COMMD1: variants seen among roughly 807,000 people sequenced by gnomAD.
The protein encoded by COMMD1 is COMM domain-containing protein 1.
Under a neutral mutation model 17.2 loss-of-function variants are expected in COMMD1, and 10 were observed. That is an observed-to-expected ratio of 0.58 (90% CI 0.36 to 0.99). The LOEUF is 0.99. COMMD1 is among the 50% of genes least tolerant of loss of function. The pLI, the probability that COMMD1 is intolerant of heterozygous loss-of-function variation, is 0.01. For missense variants in COMMD1, 270 were observed against 231.8 expected (o/e 1.17, Z -1.07); for synonymous variants, 97 against 91.6 (o/e 1.06, Z -0.34).
At chr2:62,053,061 C>CAG (rs1670585139) in intron 2 of COMMD1, among the ~76,000 whole-genome samples, 1 of 152,154 alleles carries the variant, frequency 6.6e-6, no homozygotes, top group Non-Finnish European at 1.5e-5. Context: ...GCCTAGGTGA[C>CAG]AGAGAGATCC....
intron 2 of COMMD1, among the ~76,000 whole-genome samples, chr2:62,114,891 C>T (rs1328706259): frequency 2.0e-5 from 3 of 152,154 alleles, no homozygotes; most frequent in Non-Finnish European, 4.4e-5. Context: ...AGGCTGGCAG[C>T]GAGGTTCCTT....
intron 2 of COMMD1, among the ~76,000 whole-genome samples, chr2:62,052,188 T>C (rs1670554888): frequency 6.6e-6 from 1 of 152,144 alleles, no homozygotes; most frequent in South Asian, 2.1e-4. Flanking sequence ...CGGTGGCTCA[T>C]GCCTGTAATC....
intron 2 of COMMD1, among the ~76,000 whole-genome samples, chr2:62,109,077 A>G (rs572624190): frequency 3.3e-5 from 5 of 152,324 alleles, no homozygotes; most frequent in African/African-American, 1.2e-4. Flanking sequence ...AGATAGAGAT[A>G]CCCAAAAGGG....
chr2:61,991,404 G>T (rs1409327523), intron 1 of COMMD1, among the ~76,000 whole-genome samples: 1 of 152,188 alleles, frequency 6.6e-6, no homozygotes, highest in Non-Finnish European at 1.5e-5. Context: ...CAGTATGAAT[G>T]CTTGTTGGAA....
intron 1 of COMMD1, among the ~76,000 whole-genome samples, chr2:61,955,342 C>G (rs980399057): frequency 2.7e-5 from 4 of 150,816 alleles, no homozygotes; most frequent in Non-Finnish European, 5.9e-5. Context: ...CTCTCTGTCT[C>G]TCTCGATGGA....
intron 1 of COMMD1, among the ~76,000 whole-genome samples, chr2:61,910,436 G>A (rs1669875774): frequency 6.6e-6 from 1 of 152,096 alleles, no homozygotes; most frequent in African/African-American, 2.4e-5. Flanking sequence ...TAGTAGAGAT[G>A]GGGTTTCACC....
intron 2 of COMMD1, among the ~76,000 whole-genome samples, chr2:62,113,078 G>T (rs149192742): frequency 9.5e-4 from 144 of 152,252 alleles, no homozygotes; most frequent in African/African-American, 3.4e-3. Flanking sequence ...GGACTGGGTG[G>T]CCCATGCCTG....
chr2:61,919,277 G>T (rs893751202), intron 1 of COMMD1, among the ~76,000 whole-genome samples: 1 of 152,152 alleles, frequency 6.6e-6, no homozygotes. Flanking sequence ...CTCCCAAAGT[G>T]CTGGGATTAC....
At chr2:61,990,885 A>T (rs1444523444) in intron 1 of COMMD1, among the ~76,000 whole-genome samples, 1 of 90,662 alleles carries the variant, frequency 1.1e-5, no homozygotes, top group African/African-American at 5.1e-5. Context: ...TACAAAAAAA[A>T]AAAAAAATAT....
chr2:62,063,407 G>A (rs1430005488), intron 2 of COMMD1, among the ~76,000 whole-genome samples: 1 of 151,912 alleles, frequency 6.6e-6, no homozygotes, highest in Middle Eastern at 3.2e-3. Context: ...AGCCAGGATG[G>A]TCTTAATCTC....
chr2:61,889,345 G>A (rs1170323898), intron 1 of COMMD1, among the ~76,000 whole-genome samples: 7 of 150,124 alleles, frequency 4.7e-5, no homozygotes, highest in Admixed American at 4.0e-4. Flanking sequence ...TAGCCAGGAC[G>A]ACAGGTGCCC....
At chr2:62,019,101 TTCCCTCCCTCCCTCCC>T (rs767718400) in intron 2 of COMMD1, among the ~76,000 whole-genome samples, 126 of 88,348 alleles carry the variant, frequency 1.4e-3, no homozygotes, top group East Asian at 2.8e-3. Context: ...TCTCTCTCTC[TTCCCTCCCTCCCTCCC>T]TCCCTCCCTC....
chr2:62,008,608 C>T lies in COMMD1; in HGVS notation c.462+7626C>T, dbSNP rs1402009247. Among the ~76,000 whole-genome samples the T allele has an allele frequency of 2.6e-5, 4 of 152,050 alleles. No individual in the cohort carries two copies. In the East Asian group the frequency reaches 7.7e-4, roughly 29 times the overall value. ...CAATACAAATTTGTTTCTGATAATT[C>T]TTGTATTTAAGGTTGATTTTTACTT... On this transcript the variant is annotated intron_variant, in intron 2 of 2. Coordinates refer to ENST00000311832, the MANE Select transcript of COMMD1 (RefSeq NM_152516.4).
At chr2:62,048,111 A>G (rs2103911546) in intron 2 of COMMD1, among the ~76,000 whole-genome samples, 1 of 152,152 alleles carries the variant, frequency 6.6e-6, no homozygotes, top group South Asian at 2.1e-4. Flanking sequence ...TGGAGTCACC[A>G]TCCAAGCTGC....
At chr2:61,925,330 G>A (rs1013037468) in intron 1 of COMMD1, among the ~76,000 whole-genome samples, 4 of 152,064 alleles carry the variant, frequency 2.6e-5, no homozygotes, top group African/African-American at 4.8e-5. Context: ...CTAACCTGCC[G>A]GCTGCTCCAT....
intron 1 of COMMD1, among the ~76,000 whole-genome samples, chr2:61,911,195 T>C (rs1297267564): frequency 2.0e-5 from 3 of 150,668 alleles, no homozygotes; most frequent in Non-Finnish European, 3.0e-5. Flanking sequence ...TTATCCAGGC[T>C]GGGCTCAGTG....
chr2:62,130,325 A>T (rs1672997014), intron 2 of COMMD1, among the ~76,000 whole-genome samples: 1 of 147,470 alleles, frequency 6.8e-6, no homozygotes, highest in Non-Finnish European at 1.5e-5. Context: ...CCCAGGCTGG[A>T]GTGCAGTGGC....
At chr2:62,122,005 G>A (rs1207898346) in intron 2 of COMMD1, among the ~76,000 whole-genome samples, 2 of 152,060 alleles carry the variant, frequency 1.3e-5, no homozygotes, top group Non-Finnish European at 2.9e-5. Flanking sequence ...TGCCCAGGCT[G>A]GTCTCAAACT....
chr2:62,088,286 G>T (rs552317955), intron 2 of COMMD1, among the ~76,000 whole-genome samples: 1 of 152,058 alleles, frequency 6.6e-6, no homozygotes, highest in Non-Finnish European at 1.5e-5. Flanking sequence ...TTTGCTTTCA[G>T]TTCCTTGTGA....
Sources: gnomAD v4.1 joint callset for allele counts (sites outside exome capture counted in the v4.1 genomes callset) on GRCh38, gnomAD v4.1.1 for gene constraint, MANE v1.5 for transcripts, NCBI Gene and HGNC (gene_info 2026-07-23, HGNC 2026-07-21) for gene names.